The following CDC42BPA variants were observed in gnomAD, a reference collection of about 807,000 sequenced individuals.
CDC42BPA encodes the protein CDC42 binding protein kinase alpha.
CDC42BPA carries 80 observed loss-of-function variants against 223.5 expected under a neutral mutation model. The ratio of observed to expected loss-of-function variants is 0.36; its 90% CI spans 0.30 to 0.43. CDC42BPA has a LOEUF of 0.43. CDC42BPA is among the 20% of genes least tolerant of loss of function. The pLI, the probability that CDC42BPA is intolerant of heterozygous loss-of-function variation, is 1.00. For missense variants in CDC42BPA, 1,743 were observed against 2,099.9 expected (o/e 0.83, Z 3.32); for synonymous variants, 694 against 718.6 (o/e 0.97, Z 0.55).
At chr1:227,143,690 T>C (rs1425769275) in intron 8 of CDC42BPA, among the ~76,000 whole-genome samples, 1 of 152,200 alleles carries the variant, frequency 6.6e-6, no homozygotes, top group African/African-American at 2.4e-5. Context: ...AGTTCAGTGG[T>C]GAGTTCAGTG....
chr1:227,046,357 G>C (rs1429921535), intron 23 of CDC42BPA, among the ~76,000 whole-genome samples: 1 of 152,072 alleles, frequency 6.6e-6, no homozygotes, highest in Non-Finnish European at 1.5e-5. Flanking sequence ...TCCAAGCAGA[G>C]TGGGGAGGAG....
chr1:227,162,949 C>CAT (rs371395459), intron 5 of CDC42BPA, among the ~76,000 whole-genome samples: 22,268 of 148,272 alleles, frequency 0.15, 1,964 homozygotes, highest in African/African-American at 0.23. Context: ...TGTTTCCAAA[C>CAT]ATATATGTTT....
At chr1:226,999,319 G>A (rs1662295882) in intron 35 of CDC42BPA, among the ~76,000 whole-genome samples, 1 of 152,008 alleles carries the variant, frequency 6.6e-6, no homozygotes, top group Non-Finnish European at 1.5e-5. Flanking sequence ...TGGGACTACA[G>A]GCGCCCGCCA....
intron 16 of CDC42BPA, among the ~76,000 whole-genome samples, chr1:227,082,534 G>A (rs1680912527): frequency 6.6e-6 from 1 of 151,662 alleles, no homozygotes; most frequent in African/African-American, 2.4e-5. Context: ...GTAACACAGT[G>A]AAACCCCGTC....
At chr1:227,143,826 A>C (rs7524042) in intron 8 of CDC42BPA, among the ~76,000 whole-genome samples, 4 of 152,064 alleles carry the variant, frequency 2.6e-5, no homozygotes, top group African/African-American at 9.7e-5. Context: ...CCTCAGAGCA[A>C]TGGTTCAATA....
At chr1:227,109,810 G>T (rs181695523) in intron 14 of CDC42BPA, among the ~76,000 whole-genome samples, 1 of 151,140 alleles carries the variant, frequency 6.6e-6, no homozygotes, top group Non-Finnish European at 1.5e-5. Flanking sequence ...TCATCAAGAC[G>T]TTACTAGATG....
rs1254160291 is a variant in CDC42BPA at position 227,119,856 on chromosome 1, G to T, written c.1595C>A (p.Ala532Asp). The T allele has an allele frequency of 6.2e-7, 1 of 1,600,356 alleles. No individual in the cohort carries two copies. Among genetic ancestry groups the T allele is most frequent in the East Asian group, 2.3e-5 (1 of 44,406 alleles). ...TAACGTTTTGATTTGTTTTTCATAA[G>T]CCTTGATTTGTCTAAAAGCATCATC... ...ELDDAFRQIK[A>D]YEKQIKTLQQ... Residue 532 changes from alanine to aspartate, a missense_variant, in exon 12 of 37, where the codon GCT (alanine) becomes GAT (aspartate). Physicochemically the swap from Ala to Asp is moderately radical, Grantham distance 126 (BLOSUM62 -2). Around this residue, in one of 6 missense-constraint regions of CDC42BPA, gnomAD observed 464 missense variants for 488.0 expected, o/e 0.95. Transcript: ENST00000366766.
At position 227,020,349 on chromosome 1, in the gene CDC42BPA, A is replaced by G. The variant is rs548415062; in HGVS notation, c.4615+2914T>C. Among the ~76,000 whole-genome samples the G allele has an allele frequency of 6.6e-5, 10 of 152,360 alleles. No individual in the cohort carries two copies. The East Asian group carries it at 1.9e-3, about 29-fold the overall frequency. On this transcript the variant is annotated intron_variant, in intron 32 of 36. Transcript: ENST00000366766. ...TTCTCTCTAGCTATGAAAGTCCTAG[A>G]TGACATCTTCTTCCTACAGAAGTCT...
At chr1:227,029,659 AGAATACT>A in intron 29 of CDC42BPA, among the ~76,000 whole-genome samples, 1 of 113,202 alleles carries the variant, frequency 8.8e-6, no homozygotes, top group South Asian at 4.7e-4. Context: ...GATAAAACTT[AGAATACT>A]GTATTTATGA....
chr1:227,052,645 T>C (rs1262225238), intron 21 of CDC42BPA, among the ~76,000 whole-genome samples: 1 of 152,186 alleles, frequency 6.6e-6, no homozygotes, highest in Non-Finnish European at 1.5e-5. Context: ...TTACTAGGAT[T>C]GAGTTTTTAA....
intron 5 of CDC42BPA, among the ~76,000 whole-genome samples, chr1:227,185,392 C>T (rs1043551291): frequency 6.6e-5 from 10 of 152,152 alleles, no homozygotes; most frequent in African/African-American, 2.2e-4. Flanking sequence ...TCCTCTTGCC[C>T]TTGCCCCCAC....
At chr1:227,047,239 A>G (rs1421877147) in intron 23 of CDC42BPA, among the ~76,000 whole-genome samples, 1 of 152,030 alleles carries the variant, frequency 6.6e-6, no homozygotes, top group African/African-American at 2.4e-5. Context: ...CATGTTACCA[A>G]CATACTTCTT....
chr1:227,094,164 G>C (rs1683567448), intron 15 of CDC42BPA, among the ~76,000 whole-genome samples: 1 of 152,152 alleles, frequency 6.6e-6, no homozygotes, highest in Admixed American at 6.5e-5. Context: ...ATACAGAAAT[G>C]AATTCTAAGA....
At chr1:227,212,701 T>C (rs1174930477) in intron 3 of CDC42BPA, among the ~76,000 whole-genome samples, 1 of 152,124 alleles carries the variant, frequency 6.6e-6, no homozygotes, top group South Asian at 2.1e-4. Context: ...TAAAACAAAA[T>C]ACAAAGTGAC....
At chr1:227,034,121 A>C (rs1669816952) in intron 26 of CDC42BPA, among the ~76,000 whole-genome samples, 1 of 152,202 alleles carries the variant, frequency 6.6e-6, no homozygotes, top group Admixed American at 6.5e-5. Flanking sequence ...GGGAGTCATC[A>C]ATGCAGAGGA....
chr1:227,268,567 A>ATG (rs1685398553), intron 1 of CDC42BPA, among the ~76,000 whole-genome samples: 1 of 146,276 alleles, frequency 6.8e-6, no homozygotes, highest in Admixed American at 6.9e-5. Context: ...TTTTCTGTAT[A>ATG]TATATAGTGT....
chr1:227,029,648 A>G (rs995373800), intron 29 of CDC42BPA, among the ~76,000 whole-genome samples: 1 of 147,704 alleles, frequency 6.8e-6, no homozygotes, highest in African/African-American at 2.4e-5. Flanking sequence ...GTTGACATAA[A>G]GATAAAACTT....
intron 32 of CDC42BPA, among the ~76,000 whole-genome samples, chr1:227,022,024 CAA>C (rs11304032): frequency 1.6e-5 from 2 of 124,204 alleles, no homozygotes; most frequent in Non-Finnish European, 1.9e-5. Context: ...GTCTCCCCCG[CAA>C]AAAAAAAATA....
intron 14 of CDC42BPA, among the ~76,000 whole-genome samples, chr1:227,108,791 G>A (rs1686378620): frequency 6.6e-6 from 1 of 152,132 alleles, no homozygotes; most frequent in Admixed American, 6.5e-5. Flanking sequence ...TATATTCTGA[G>A]AAATGCATCT....
Sources: allele counts gnomAD v4.1 joint callset (sites outside exome capture counted in the v4.1 genomes callset), GRCh38; gene constraint gnomAD v4.1.1; regional missense constraint gnomAD v4.1.1; transcripts MANE v1.5; gene names NCBI Gene and HGNC (gene_info 2026-07-23, HGNC 2026-07-21).